Variants in REPS2 observed in about 807,000 individuals in gnomAD.
The protein encoded by REPS2 is RALBP1 associated Eps domain containing 2, also known as ralBP1-associated Eps domain-containing protein 2.
REPS2 carries 23 observed loss-of-function variants against 53.6 expected under a neutral mutation model. The ratio of observed to expected loss-of-function variants is 0.43; its 90% CI spans 0.31 to 0.61. REPS2 has a LOEUF of 0.61. Among genes scored for constraint, REPS2 ranks in the 20% least tolerant of loss-of-function variants. The pLI is 0.11. For missense variants in REPS2, 446 were observed against 534.9 expected, an observed-to-expected ratio of 0.83 and a Z score of 1.64; for synonymous variants, 238 against 218.6, an observed-to-expected ratio of 1.09 and a Z score of -0.78.
chrX:17,144,992 C>G (rs1351997130), intron 17 of REPS2, among the ~76,000 whole-genome samples: 1 of 111,795 alleles, frequency 8.9e-6, no homozygotes, highest in Non-Finnish European at 1.9e-5. Flanking sequence ...GGTTATTTCC[C>G]TAGCTCTGGA....
chrX:16,962,255 G>A (rs1376272215), intron 1 of REPS2, among the ~76,000 whole-genome samples: 2 of 100,572 alleles, frequency 2.0e-5, no homozygotes, highest in African/African-American at 3.6e-5. Flanking sequence ...TGATGGATGA[G>A]TGGCTAAAAA....
At chrX:17,024,907 G>A (rs929809535) in intron 3 of REPS2, 152 bp from the exon 4 acceptor site, 1 of 770,799 alleles carries the variant, frequency 1.3e-6, no homozygotes, top group African/African-American at 2.1e-5. Flanking sequence ...AGACACTGCT[G>A]TTTAACCATG....
chrX:17,022,985 C>A (rs777252090), intron 3 of REPS2, among the ~76,000 whole-genome samples: 5 of 112,154 alleles, frequency 4.5e-5, no homozygotes, highest in African/African-American at 1.3e-4. Flanking sequence ...GAAGAGTGGG[C>A]AGATCCAGAA....
intron 3 of REPS2, among the ~76,000 whole-genome samples, chrX:17,023,487 A>T (rs1053606096): frequency 8.9e-6 from 1 of 111,761 alleles, no homozygotes; most frequent in Non-Finnish European, 1.9e-5. Context: ...TGAATATTAA[A>T]TGATTATGTT....
chrX:17,071,852 C>T (rs918937728), intron 11 of REPS2, among the ~76,000 whole-genome samples: 3 of 112,111 alleles, frequency 2.7e-5, no homozygotes, highest in African/African-American at 9.7e-5. Context: ...CTCTTTCCAG[C>T]TACACGAGAA....
chrX:17,042,767 C>T (rs1370599576), intron 5 of REPS2, among the ~76,000 whole-genome samples: 1 of 111,371 alleles, frequency 9.0e-6, no homozygotes, highest in Admixed American at 9.6e-5. Flanking sequence ...AATGTTCAAA[C>T]TGTGGTACTT....
At chrX:17,091,061 G>C (rs1401203232) in intron 13 of REPS2, among the ~76,000 whole-genome samples, 1 of 111,889 alleles carries the variant, frequency 8.9e-6, no homozygotes, top group African/African-American at 3.2e-5. Flanking sequence ...TTTGGACACT[G>C]CATTCTGTTC....
At chrX:17,021,677 G>T (rs894687851) in intron 2 of REPS2, among the ~76,000 whole-genome samples, 32 of 112,264 alleles carry the variant, frequency 2.9e-4, no homozygotes, top group Non-Finnish European at 3.9e-4. Flanking sequence ...TTGCAATGAG[G>T]GGGTGGTAAT....
intron 2 of REPS2, 150 bp from the exon 3 acceptor site, chrX:17,021,973 A>G (rs2061582919): frequency 4.1e-6 from 2 of 483,895 alleles, no homozygotes; most frequent in Non-Finnish European, 7.1e-6. Flanking sequence ...ACGTTATTAT[A>G]GGAGTACTCA....
the REPS2 span, among the ~76,000 whole-genome samples, chrX:17,174,315 G>A: frequency 8.9e-6 from 1 of 112,226 alleles, no homozygotes; most frequent in Non-Finnish European, 1.9e-5. Context: ...GCTTGGGCCC[G>A]TACTTGAAAG....
intron 1 of REPS2, among the ~76,000 whole-genome samples, chrX:16,951,250 A>T (rs954413848): frequency 9.0e-6 from 1 of 111,271 alleles, no homozygotes; most frequent in Non-Finnish European, 1.9e-5. Context: ...TCGTAGACAT[A>T]TTTTCTTTTT....
At position 17,022,141 on chromosome X, in the gene REPS2, T is replaced by G. The variant is rs1282290613; in HGVS notation, c.416T>G (p.Phe139Cys). 1.7e-6 allele frequency: 2 copies of G among 1,207,859 alleles called. No individual in the cohort carries two copies. The highest frequency in any genetic ancestry group is 2.2e-6 in the Non-Finnish European group (2 of 893,776). ...CCCAAAGAATTGCCTCTGCCTCGCT[T>G]TATGATGTCAAAGAATGATGGTGAG... ...SIKCELPLPR[F>C]MMSKNDGEIR... The change falls in exon 3 of 18, where the codon TTT becomes TGT. Residue 139 changes from phenylalanine to cysteine, a missense_variant. Physicochemically the swap from Phe to Cys is radical, Grantham distance 205. Transcript: ENST00000357277.
intron 1 of REPS2, among the ~76,000 whole-genome samples, chrX:16,950,091 T>C (rs2060489914): frequency 9.1e-6 from 1 of 109,304 alleles, no homozygotes; most frequent in Admixed American, 9.8e-5. Flanking sequence ...ACTGTCCCCA[T>C]AGTTTTGCCT....
chrX:17,047,376 T>C lies in REPS2; in HGVS notation c.801T>C (p.Asp267=). The change falls in exon 6 of 18, where the codon GAT becomes GAC. Residue 267 remains aspartate (D), a synonymous_variant. Transcript: ENST00000357277. ...RSFSVERELQ[D]NSSYPDEPWR... Reference sequence around the variant, plus strand: ...TTTCAGTGGAGAGGGAACTACAGGATAACAGCAGTTACCCCGACGAACCCT... The same window carrying C: ...TTTCAGTGGAGAGGGAACTACAGGACAACAGCAGTTACCCCGACGAACCCT... 1 of 1,210,491 alleles carries C rather than the reference T, an allele frequency of 8.3e-7. No individual in the cohort carries two copies. Among genetic ancestry groups the C allele is most frequent in the Non-Finnish European group, 1.1e-6 (1 of 894,373 alleles).
chrX:17,134,748 C>T (rs965418730), intron 15 of REPS2, among the ~76,000 whole-genome samples: 7 of 110,430 alleles, frequency 6.3e-5, no homozygotes, highest in Non-Finnish European at 1.1e-4. Context: ...CTCAGCCTTC[C>T]GAGTAGCTGG....
At chrX:17,064,591 C>T (rs1488984403) in intron 9 of REPS2, among the ~76,000 whole-genome samples, 3 of 112,481 alleles carry the variant, frequency 2.7e-5, no homozygotes, top group Non-Finnish European at 3.8e-5. Flanking sequence ...ATGAGTGTCT[C>T]TTACATTACT....
At chrX:16,993,671 A>G (rs760268925) in intron 1 of REPS2, among the ~76,000 whole-genome samples, 12 of 112,402 alleles carry the variant, frequency 1.1e-4, no homozygotes, top group Non-Finnish European at 2.1e-4. Flanking sequence ...AACTCAGCCC[A>G]AATTACTGAC....
chrX:16,996,468 C>G (rs773221075), intron 1 of REPS2, among the ~76,000 whole-genome samples: 7 of 111,843 alleles, frequency 6.3e-5, no homozygotes, highest in Admixed American at 2.8e-4. Context: ...TTTAGTGTGC[C>G]TTGGAGCAGG....
intron 5 of REPS2, among the ~76,000 whole-genome samples, chrX:17,043,395 G>C (rs914097731): frequency 1.8e-5 from 2 of 111,285 alleles, no homozygotes; most frequent in East Asian, 5.7e-4. Context: ...GTCTGTAGGG[G>C]TGGGAGTTCT....
Sources: allele counts gnomAD v4.1 joint callset (sites outside exome capture counted in the v4.1 genomes callset), GRCh38; gene constraint gnomAD v4.1.1; transcripts MANE v1.5; gene names NCBI Gene and HGNC (gene_info 2026-07-23, HGNC 2026-07-21).